SIMC1: variants seen among roughly 807,000 people sequenced by gnomAD.
SIMC1 encodes the protein SUMO-interacting motif-containing protein 1.
A neutral mutation model predicts 82.3 loss-of-function variants in SIMC1; 55 were observed. The ratio of observed to expected loss-of-function variants is 0.67; its 90% CI spans 0.54 to 0.84. The LOEUF (loss-of-function observed/expected upper bound fraction) is 0.84, where lower values mean the gene tolerates loss of function less well. SIMC1 is among the 40% of genes least tolerant of loss of function. SIMC1 has a pLI of 0.00. For missense variants in SIMC1, 915 were observed against 1,107.2 expected (o/e 0.83, Z 2.46); for synonymous variants, 353 against 426.3 (o/e 0.83, Z 2.12).
chr5:176,244,763 C>G (rs1367548232), intron 1 of SIMC1, among the ~76,000 whole-genome samples: 1 of 144,588 alleles, frequency 6.9e-6, no homozygotes, highest in African/African-American at 2.6e-5. Context: ...CTCTTGTTGC[C>G]CAGGCTGGAG....
At chr5:176,313,293 G>A (rs559477493) in intron 4 of SIMC1, 67 of 1,442,246 alleles carry the variant, frequency 4.6e-5, no homozygotes, top group Admixed American at 2.6e-4. Context: ...ATATCCTGAG[G>A]TTGATAGGTT....
chr5:176,276,189 G>A (rs889977860), intron 1 of SIMC1, among the ~76,000 whole-genome samples: 14 of 151,556 alleles, frequency 9.2e-5, no homozygotes, highest in Non-Finnish European at 7.4e-5. Flanking sequence ...CTTCTTCCTG[G>A]TTTAGTCTTA....
At chr5:176,284,501 A>G (rs1763172683) in intron 1 of SIMC1, among the ~76,000 whole-genome samples, 1 of 152,218 alleles carries the variant, frequency 6.6e-6, no homozygotes, top group South Asian at 2.1e-4. Context: ...AACATACCAG[A>G]ATCTCTGGGA....
In SIMC1 at chr5:176,238,539, A is replaced by C. The variant is rs1761190363; in HGVS notation, c.31A>C (p.Ser11Arg). 5 of 1,333,314 alleles carry C rather than the reference A, an allele frequency of 3.8e-6. No homozygotes were observed. The highest frequency in any genetic ancestry group is 4.9e-6 in the Non-Finnish European group (5 of 1,030,016). 82.6% of individuals were successfully genotyped at this position (1,333,314 alleles called of 1,614,324 possible). Residue 11 changes from serine (S) to arginine (R), a missense_variant, in exon 1 of 10, where the codon AGC becomes CGC. Physicochemically the swap from Ser to Arg is moderately radical, Grantham distance 110. This residue lies in a region of SIMC1 where 13 missense variants were observed against 66.9 expected (regional missense o/e 0.19). Coordinates refer to ENST00000429602, the MANE Select transcript of SIMC1 (RefSeq NM_001308195.2). MEDFIVISDD[S>R]GSESSGGARP... Reference sequence around the variant, plus strand: ...GGATTTCATCGTGATCTCGGACGACAGCGGCTCTGAGAGCTCCGGGGGCGC... The same window carrying C: ...GGATTTCATCGTGATCTCGGACGACCGCGGCTCTGAGAGCTCCGGGGGCGC...
chr5:176,241,574 T>TTATA (rs1761276400), intron 1 of SIMC1, among the ~76,000 whole-genome samples: 3 of 151,882 alleles, frequency 2.0e-5, no homozygotes, highest in African/African-American at 7.3e-5. Flanking sequence ...TAGCTAACCC[T>TTATA]TGAAGAACAC....
rs1466048913 is a variant in SIMC1, at chr5:176,345,048, TCA to T, written c.2414-130_2414-129del. ...TTGGAAGTGGAGTTACTGCAGGCAC[TCA>T]CACAGCCTTCGACTTGTATCCCTGT... is the stretch of plus-strand genomic sequence containing the variant. On this transcript the variant is annotated intron_variant, in intron 9 of 9. Transcript: ENST00000429602. 6.1e-6 allele frequency: 7 copies of T among 1,142,118 alleles called. No homozygotes were observed. The East Asian group carries it at 1.2e-4, about 20-fold the overall frequency. 70.7% of individuals were successfully genotyped at this position (1,142,118 alleles called of 1,614,324 possible).
At chr5:176,263,017 A>G (rs577263998) in intron 1 of SIMC1, among the ~76,000 whole-genome samples, 2 of 151,984 alleles carry the variant, frequency 1.3e-5, no homozygotes, top group East Asian at 3.9e-4. Context: ...GGAATTTGAA[A>G]TGAAACATAC....
At chr5:176,249,843 C>CA (rs66752759) in intron 1 of SIMC1, among the ~76,000 whole-genome samples, 7,628 of 81,688 alleles carry the variant, frequency 0.093, 1,181 homozygotes, top group African/African-American at 0.32. Flanking sequence ...GATTCCGTCT[C>CA]AAAAAAAAAA....
intron 5 of SIMC1, among the ~76,000 whole-genome samples, chr5:176,319,073 C>T (rs1231514610): frequency 6.6e-6 from 1 of 152,212 alleles, no homozygotes; most frequent in Non-Finnish European, 1.5e-5. Flanking sequence ...CGTGCCACTG[C>T]ACTCCAGCCT....
intron 5 of SIMC1, among the ~76,000 whole-genome samples, chr5:176,314,315 C>T (rs1422940395): frequency 6.6e-6 from 1 of 152,090 alleles, no homozygotes; most frequent in Admixed American, 6.6e-5. Flanking sequence ...TAATCATAAA[C>T]CCCTCCTGAT....
chr5:176,344,749 C>T (rs922305406), intron 9 of SIMC1, among the ~76,000 whole-genome samples: 2 of 152,166 alleles, frequency 1.3e-5, no homozygotes, highest in Non-Finnish European at 2.9e-5. Flanking sequence ...GGGGATGGTG[C>T]TCAACCATTC....
At chr5:176,255,459 C>T (rs1257619977) in intron 1 of SIMC1, among the ~76,000 whole-genome samples, 4 of 151,328 alleles carry the variant, frequency 2.6e-5, no homozygotes, top group African/African-American at 9.7e-5. Context: ...GGCGCACATT[C>T]GTAACCCCAG....
chr5:176,283,153 A>C (rs1418050603), intron 1 of SIMC1, among the ~76,000 whole-genome samples: 1 of 152,202 alleles, frequency 6.6e-6, no homozygotes, highest in Non-Finnish European at 1.5e-5. Context: ...GCCAACATTC[A>C]AATTCGGGAA....
At chr5:176,322,925 A>G (rs911363807) in intron 6 of SIMC1, 1 of 152,446 alleles carries the variant, frequency 6.6e-6, no homozygotes, top group Non-Finnish European at 1.5e-5. Flanking sequence ...AAAGAAATTC[A>G]TGGCATTTCT....
chr5:176,344,177 A>G (rs892746898), intron 9 of SIMC1, among the ~76,000 whole-genome samples: 1 of 152,178 alleles, frequency 6.6e-6, no homozygotes, highest in Non-Finnish European at 1.5e-5. Flanking sequence ...AGATTGAGCC[A>G]GGATACGGTC....
At chr5:176,325,898 C>T (rs1765374816) in intron 7 of SIMC1, among the ~76,000 whole-genome samples, 1 of 151,990 alleles carries the variant, frequency 6.6e-6, no homozygotes, top group Non-Finnish European at 1.5e-5. Flanking sequence ...TATAGAATGA[C>T]CCCAGATAGT....
intron 7 of SIMC1, among the ~76,000 whole-genome samples, chr5:176,333,987 C>T (rs1283508261): frequency 6.7e-6 from 1 of 150,052 alleles, no homozygotes; most frequent in Non-Finnish European, 1.5e-5. Flanking sequence ...ACATTTGGTT[C>T]CTTTTTATTC....
At chr5:176,292,590 GAGTACAGTGGTACGATCTCAGCTC>G in intron 2 of SIMC1, among the ~76,000 whole-genome samples, 1 of 152,004 alleles carries the variant, frequency 6.6e-6, no homozygotes, top group Non-Finnish European at 1.5e-5. Flanking sequence ...ACCCAGGCTG[GAGTACAGTGGTACGATCTCAGCTC>G]ACTCACTGCA....
chr5:176,345,125 C>CTTT, intron 9 of SIMC1, 58 bp from the exon 10 acceptor site: 1 of 1,554,372 alleles, frequency 6.4e-7, no homozygotes, highest in Non-Finnish European at 8.7e-7. Context: ...AATTAGACTT[C>CTTT]TTAAAAAGAA....
Sources: gnomAD v4.1 joint callset for allele counts (sites outside exome capture counted in the v4.1 genomes callset) on GRCh38, gnomAD v4.1.1 for gene constraint, gnomAD v4.1.1 regional missense constraint, MANE v1.5 for transcripts, NCBI Gene and HGNC (gene_info 2026-07-23, HGNC 2026-07-21) for gene names.